ZNF37A: variants seen among roughly 807,000 people sequenced by gnomAD.
ZNF37A encodes zinc finger protein 37A.
ZNF37A carries 10 observed loss-of-function variants against 12.3 expected under a neutral mutation model. That is an observed-to-expected ratio of 0.82 (90% CI 0.50 to 1.38). The LOEUF (loss-of-function observed/expected upper bound fraction) is 1.38, where lower values mean the gene tolerates loss of function less well. Ranked by LOEUF, ZNF37A falls within the 40% of genes most tolerant of loss-of-function variation. The probability of loss-of-function intolerance (pLI) is 0.00; values close to 1 mark genes in which losing one functional copy is unlikely to be tolerated. For synonymous variants in ZNF37A, 207 were observed against 223.0 expected (o/e 0.93, Z 0.64); for missense variants, 580 against 651.2 (o/e 0.89, Z 1.19).
At chr10:38,127,560 G>T (rs1191624074), downstream of ZNF37A, among the ~76,000 whole-genome samples, 1 of 152,118 alleles carries the variant, frequency 6.6e-6, no homozygotes, top group African/African-American at 2.4e-5. Context: ...TGCACTACTG[G>T]TATATGATGA....
chr10:38,117,776 A>G lies in ZNF37A; in HGVS notation c.625A>G (p.Ile209Val). The G allele has an allele frequency of 6.2e-7, 1 of 1,614,048 alleles. No individual in the cohort carries two copies. The highest frequency in any genetic ancestry group is 8.5e-7 in the Non-Finnish European group (1 of 1,179,998). The change falls in exon 8 of 8, where the codon ATC becomes GTC. Residue 209 changes from isoleucine (I) to valine (V), a missense_variant. Physicochemically the swap from Ile to Val is conservative, Grantham distance 29 (BLOSUM62 3). Coordinates refer to ENST00000685332, the MANE Select transcript of ZNF37A (RefSeq NM_001324250.3). ...NHYGNECGEN[I>V]FEESILLEHQ... The stretch of plus-strand genomic sequence containing the variant: ...CTATGGTAATGAATGTGGAGAAAAT[A>G]TCTTTGAGGAATCCATTCTCCTTGA...
chr10:38,125,360 G>T (rs1170277283), downstream of ZNF37A: 1 of 152,140 alleles, frequency 6.6e-6, no homozygotes, highest in Non-Finnish European at 1.5e-5. Flanking sequence ...AAAGAATGGT[G>T]TGGAAAGTTC....
At chr10:38,143,482 TCTCA>T (rs1203687077) in intron 7 of ZNF37A, 1 of 152,156 alleles carries the variant, frequency 6.6e-6, no homozygotes, top group Non-Finnish European at 1.5e-5. Flanking sequence ...TGGTCCCCAG[TCTCA>T]TCTCTGGAAA....
chr10:38,116,527 A>C (rs1423009325), intron 7 of ZNF37A, among the ~76,000 whole-genome samples: 2 of 152,314 alleles, frequency 1.3e-5, no homozygotes, highest in East Asian at 3.9e-4. Context: ...AAACAGCTGA[A>C]CTTACCTAGA....
chr10:38,108,388 C>G (rs749177859), intron 5 of ZNF37A, among the ~76,000 whole-genome samples: 8 of 152,102 alleles, frequency 5.3e-5, no homozygotes, highest in Non-Finnish European at 7.4e-5. Context: ...ATGCCCACAA[C>G]AGAAAGTAGG....
chr10:38,144,530 T>C (rs1268659771), intron 7 of ZNF37A: 2 of 152,188 alleles, frequency 1.3e-5, no homozygotes, highest in African/African-American at 4.8e-5. Flanking sequence ...ATGAATTAAT[T>C]CTTTTTTATT....
exon 8 of ZNF37A, chr10:38,147,849 A>G (rs1404912049): frequency 6.6e-6 from 1 of 152,228 alleles, no homozygotes; most frequent in Non-Finnish European, 1.5e-5. Flanking sequence ...TCACCAGCAC[A>G]CTGAGGACAA....
At chr10:38,112,760 C>CGG (rs1564932092) in intron 5 of ZNF37A, among the ~76,000 whole-genome samples, 3,103 of 51,560 alleles carry the variant, frequency 0.06, 351 homozygotes, top group African/African-American at 0.081. Flanking sequence ...CTTTTCTTTT[C>CGG]TTTTCTTTTC....
rs1275698611 is a variant in ZNF37A at position 38,121,452 on chromosome 10, G to C, written c.*2615G>C. ...TCTCCTGCCTTCCTTCCCCAGAGTG[G>C]AGGAGTTAGACTTGCCTCGTGGGAT... On this transcript the variant is annotated 3_prime_UTR_variant, in exon 8 of 8. Coordinates refer to ENST00000685332, the MANE Select transcript of ZNF37A (RefSeq NM_001324250.3). The C allele has an allele frequency of 6.6e-6, 1 of 152,314 alleles. No homozygotes were observed. Among genetic ancestry groups the C allele is most frequent in the East Asian group, 1.9e-4 (1 of 5,178 alleles). The allele number at this position is 152,314 out of a possible 1,614,324, so 9.4% of individuals were successfully genotyped here. A position where few individuals can be genotyped will look rare whatever the true frequency, so the allele number is the denominator to read the frequency against.
intron 7 of ZNF37A, chr10:38,115,496 G>T (rs865835194): frequency 1.2e-4 from 64 of 515,678 alleles, no homozygotes; most frequent in African/African-American, 1.0e-3. Flanking sequence ...ACATCTTGTT[G>T]TTTTTTTTAA....
chr10:38,098,200 T>A (rs2067300202), intron 5 of ZNF37A, among the ~76,000 whole-genome samples: 1 of 152,238 alleles, frequency 6.6e-6, no homozygotes, highest in African/African-American at 2.4e-5. Flanking sequence ...TACCAACTTT[T>A]GTTTATCCAT....
chr10:38,129,319 A>AAAC (rs1554785461), downstream of ZNF37A, among the ~76,000 whole-genome samples: 15 of 116,298 alleles, frequency 1.3e-4, 1 homozygote, highest in African/African-American at 3.6e-4. Context: ...AAAAAAAAAA[A>AAAC]AAACTATTAT....
At chr10:38,096,112 G>C (rs2067133872) in intron 4 of ZNF37A, among the ~76,000 whole-genome samples, 1 of 152,120 alleles carries the variant, frequency 6.6e-6, no homozygotes, top group South Asian at 2.1e-4. Context: ...GGTGAGTCGA[G>C]ATCATGCCAT....
rs945279306 is a variant in ZNF37A, at chr10:38,123,433, G to A, written c.*4596G>A. ...AACACTGGAAAAAGTTTTCCAAAACGTATATGGCAGAAATATGGGCCTTGA... is the reference window on the plus strand; with the variant it reads ...AACACTGGAAAAAGTTTTCCAAAACATATATGGCAGAAATATGGGCCTTGA... On this transcript the variant is annotated 3_prime_UTR_variant, in exon 8 of 8. Coordinates refer to ENST00000685332, the MANE Select transcript of ZNF37A (RefSeq NM_001324250.3). The A allele has an allele frequency of 2.6e-5, 4 of 151,842 alleles. No homozygotes were observed. The highest frequency in any genetic ancestry group is 5.9e-5 in the Non-Finnish European group (4 of 67,966). The allele number at this position is 151,842 out of a possible 1,614,324, so 9.4% of individuals were successfully genotyped here. A position where few individuals can be genotyped will look rare whatever the true frequency, so the allele number is the denominator to read the frequency against.
At position 38,115,226 on chromosome 10, in the gene ZNF37A, C is replaced by G; in HGVS notation, c.174C>G (p.Leu58=). The G allele has an allele frequency of 6.2e-7, 1 of 1,613,672 alleles. No individual in the cohort carries two copies. Among genetic ancestry groups the G allele is most frequent in the Non-Finnish European group, 8.5e-7 (1 of 1,179,940 alleles). ...GCATTCCTAAACCAGAAGTGATTCT[C>G]AAGTTGGAGAAAGGCGAGGAGCCAT... is the stretch of plus-strand genomic sequence containing the variant. The part of the protein sequence containing the change: ...GYCIPKPEVI[L]KLEKGEEPWI... The change falls in exon 7 of 8, where the codon CTC becomes CTG. Residue 58 remains leucine (L), a synonymous_variant. Coordinates refer to ENST00000685332, the MANE Select transcript of ZNF37A (RefSeq NM_001324250.3).
Position 38,118,487 on chromosome 10 carries a change from A to C in ZNF37A, c.1336A>C (p.Lys446Gln), listed in dbSNP as rs769870945. The C allele has an allele frequency of 3.6e-5, 58 of 1,613,938 alleles. No homozygotes were observed. The highest frequency in any genetic ancestry group is 4.7e-5 in the Non-Finnish European group (56 of 1,180,020). Residue 446 changes from lysine to glutamine, a missense_variant, in exon 8 of 8, where the codon AAA becomes CAA. By Grantham distance (53) the Lys-to-Gln change is moderately conservative. Transcript: ENST00000685332. The part of the protein sequence containing the change: ...EKPYECIQCG[K>Q]FFCYYSGFTE... ...ACCTTATGAATGTATTCAGTGTGGAAAATTTTTCTGCTACTACTCCGGTTT... is the reference window on the plus strand; with the variant it reads ...ACCTTATGAATGTATTCAGTGTGGACAATTTTTCTGCTACTACTCCGGTTT...
At chr10:38,098,282 G>A (rs1295236549) in intron 5 of ZNF37A, among the ~76,000 whole-genome samples, 1 of 152,178 alleles carries the variant, frequency 6.6e-6, no homozygotes, top group Non-Finnish European at 1.5e-5. Flanking sequence ...GAGCATTCAT[G>A]TACAAATATT....
chr10:38,105,900 G>A (rs2068030629), intron 5 of ZNF37A, among the ~76,000 whole-genome samples: 1 of 152,056 alleles, frequency 6.6e-6, no homozygotes, highest in Non-Finnish European at 1.5e-5. Context: ...GATGTTTTGT[G>A]GATTATATGC....
In ZNF37A at chr10:38,112,771, T is replaced by G. The variant is rs1369895181; in HGVS notation, c.16-1984T>G. Reference sequence around the variant, plus strand: ...TTTTCTTTTCTTTTCTTTTCTTTTCTTTTCTTTTCTTTTCTTTTCTTTTCT... The same window carrying G: ...TTTTCTTTTCTTTTCTTTTCTTTTCGTTTCTTTTCTTTTCTTTTCTTTTCT... On this transcript the variant is annotated intron_variant, in intron 5 of 7. Transcript: ENST00000685332. Among the ~76,000 whole-genome samples, 22 of 54,748 alleles carry G rather than the reference T, an allele frequency of 4.0e-4. 5 individuals carry two copies. Among genetic ancestry groups the G allele is most frequent in the East Asian group, 7.6e-4 (1 of 1,312 alleles). The allele number at this position is 54,748 out of a possible 152,430, so 35.9% of individuals were successfully genotyped here.
Sources: gnomAD v4.1 joint callset for allele counts (sites outside exome capture counted in the v4.1 genomes callset) on GRCh38, gnomAD v4.1.1 for gene constraint, MANE v1.5 for transcripts, NCBI Gene and HGNC (gene_info 2026-07-23, HGNC 2026-07-21) for gene names.